Variants in SECISBP2L observed in about 807,000 individuals in gnomAD.
SECISBP2L encodes SECIS binding protein 2 like.
SECISBP2L carries 43 observed loss-of-function variants against 114.7 expected under a neutral mutation model. That is an observed-to-expected ratio of 0.38 (90% confidence interval 0.29 to 0.48). The LOEUF (loss-of-function observed/expected upper bound fraction) is 0.48. Among genes scored for constraint, SECISBP2L ranks in the 20% least tolerant of loss-of-function variants. The probability of loss-of-function intolerance (pLI) is 0.98; values close to 1 mark genes in which losing one functional copy is unlikely to be tolerated. For missense variants in SECISBP2L, 1,136 were observed against 1,301.1 expected (o/e 0.87, Z 1.95); for synonymous variants, 451 against 439.7 (o/e 1.03, Z -0.32).
intron 4 of SECISBP2L, among the ~76,000 whole-genome samples, chr15:49,030,042 C>G (rs1251418063): frequency 1.2e-5 from 1 of 85,370 alleles, no homozygotes; most frequent in Non-Finnish European, 2.6e-5. Context: ...TGTACCAAGA[C>G]AGTCCAAAAA....
rs190334679 is a variant in SECISBP2L at position 48,994,600 on chromosome 15, T to C, written c.2624-1674A>G. Among the ~76,000 whole-genome samples, 301 of 152,318 alleles carry C rather than the reference T, an allele frequency of 2.0e-3. 1 individual carries two copies. Among genetic ancestry groups the C allele is most frequent in the South Asian group, 0.017 (80 of 4,822 alleles). On this transcript the variant is annotated intron_variant, in intron 17 of 17. Transcript: ENST00000559471. Reference sequence around the variant, plus strand: ...ATCAGCTGTACTCTTTCTGCAGATGTGTTTTCCTCCTTTCCCCTTCAGACT... The same window carrying C: ...ATCAGCTGTACTCTTTCTGCAGATGCGTTTTCCTCCTTTCCCCTTCAGACT...
intron 7 of SECISBP2L, 195 bp from the exon 8 acceptor site, chr15:49,019,747 T>C: frequency 2.4e-6 from 1 of 410,756 alleles, no homozygotes; most frequent in Admixed American, 4.5e-5. Context: ...ATGAGACAAT[T>C]AATCCACATT....
rs754723616 is a variant in SECISBP2L at position 49,011,832 on chromosome 15, C to A, written c.1763G>T (p.Gly588Val). 6.2e-7 allele frequency: 1 copy of A among 1,613,986 alleles called. No homozygotes were observed. Among genetic ancestry groups the A allele is most frequent in the East Asian group, 2.2e-5 (1 of 44,860 alleles). ...VILKEREEKK[G>V]RLTVDHNLLG... is the part of the protein sequence containing the mutation. ...AAGATTGTGGTCCACAGTTAAGCGC[C>A]CCTTCTTTTCCTCTCTTTCTTTTAA... is the stretch of plus-strand genomic sequence containing the variant. The change falls in exon 13 of 18, where the codon GGG becomes GTG. Residue 588 changes from glycine (G) to valine (V), a missense_variant. By Grantham distance (109) the Gly-to-Val change is moderately radical (BLOSUM62 -3). Transcript: ENST00000559471.
Position 48,989,046 on chromosome 15 carries a change from T to A in SECISBP2L, c.*3198A>T, listed in dbSNP as rs1227650199. ...AATAAATTATTTCACAGAATTTTTT[T>A]AAATCAAAAAAAGATAAAAATTTTT... On this transcript the variant is annotated 3_prime_UTR_variant, in exon 18 of 18. Transcript: ENST00000559471. The A allele has an allele frequency of 2.6e-5, 4 of 152,038 alleles. No individual in the cohort carries two copies. The highest frequency in any genetic ancestry group is 9.7e-5 in the African/African-American group (4 of 41,286). 9.4% of individuals were successfully genotyped at this position (152,038 alleles called of 1,614,324 possible). A position where few individuals can be genotyped will look rare whatever the true frequency, so the allele number is the denominator to read the frequency against.
chr15:49,016,030 G>C (rs1027641955), intron 11 of SECISBP2L, among the ~76,000 whole-genome samples: 4 of 152,214 alleles, frequency 2.6e-5, no homozygotes, highest in African/African-American at 9.7e-5. Flanking sequence ...AGTGTGTTAG[G>C]AGAGAATGGT....
intron 6 of SECISBP2L, 139 bp downstream of exon 6, chr15:49,028,005 T>C (rs1902785548): frequency 2.6e-6 from 2 of 769,432 alleles, no homozygotes; most frequent in East Asian, 5.4e-5. Context: ...TCAGCAAAAC[T>C]GTACTTCCAA....
chr15:49,025,352 GA>G (rs1188153645), intron 7 of SECISBP2L, among the ~76,000 whole-genome samples: 2 of 152,064 alleles, frequency 1.3e-5, no homozygotes, highest in Non-Finnish European at 2.9e-5. Context: ...TCAGATTCTG[GA>G]ATATCTGCAT....
Position 49,005,560 on chromosome 15 carries a change from CTTTTTTTTTTT to C in SECISBP2L, c.2027+3645_2027+3655del, listed in dbSNP as rs752466722. On this transcript the variant is annotated intron_variant, in intron 14 of 17. Transcript: ENST00000559471. Reference sequence around the variant, plus strand: ...TCAGAGACTAGAATTGCAACCCCTGCTTTTTTTTTTTTTTTTTTTTTTTTTTTTGCTTTCCA... The same window carrying C: ...TCAGAGACTAGAATTGCAACCCCTGCTTTTTTTTTTTTTTTTTGCTTTCCA... 8.2e-4 allele frequency among the ~76,000 whole-genome samples: 30 copies of C among 36,788 alleles called. 1 individual carries two copies. The highest frequency in any genetic ancestry group is 2.3e-3 in the Admixed American group (8 of 3,478). The allele number at this position is 36,788 out of a possible 152,430, so 24.1% of individuals were successfully genotyped here.
chr15:49,027,488 A>G lies in SECISBP2L; in HGVS notation c.920-8T>C, dbSNP rs748088984. 1.3e-6 allele frequency: 2 copies of G among 1,493,208 alleles called. No homozygotes were observed. Among genetic ancestry groups the G allele is most frequent in the East Asian group, 2.3e-5 (1 of 43,294 alleles). The allele number at this position is 1,493,208 out of a possible 1,614,324, so 92.5% of individuals were successfully genotyped here. A position where few individuals can be genotyped will look rare whatever the true frequency, so the allele number is the denominator to read the frequency against. Reference sequence around the variant, plus strand: ...TGGACCAATTTACACCACCTATAACAAATGAAATTTTAAATTATAATTTAC... The same window carrying G: ...TGGACCAATTTACACCACCTATAACGAATGAAATTTTAAATTATAATTTAC... On this transcript the variant is annotated splice_region_variant and splice_polypyrimidine_tract_variant and intron_variant, in intron 6 of 17. Transcript: ENST00000559471.
intron 4 of SECISBP2L, among the ~76,000 whole-genome samples, chr15:49,031,421 T>G (rs1011105519): frequency 3.9e-5 from 6 of 152,212 alleles, no homozygotes; most frequent in African/African-American, 1.4e-4. Flanking sequence ...TTTTTCAGTG[T>G]TATTGTTAAT....
Position 48,991,685 on chromosome 15 carries a change from A to C in SECISBP2L, c.*559T>G, listed in dbSNP as rs919346250. 6.6e-6 allele frequency: 1 copy of C among 152,562 alleles called. No homozygotes were observed. Among genetic ancestry groups the C allele is most frequent in the Non-Finnish European group, 1.5e-5 (1 of 68,302 alleles). The allele number at this position is 152,562 out of a possible 1,614,324, so 9.5% of individuals were successfully genotyped here. ...AGGCTCTGTTTTAGCCCATCCCAACACTAATTAATTACAATAATCAGTGAC... is the reference window on the plus strand; with the variant it reads ...AGGCTCTGTTTTAGCCCATCCCAACCCTAATTAATTACAATAATCAGTGAC... On this transcript the variant is annotated 3_prime_UTR_variant, in exon 18 of 18. Coordinates refer to ENST00000559471, the MANE Select transcript of SECISBP2L (RefSeq NM_001193489.2).
intron 17 of SECISBP2L, among the ~76,000 whole-genome samples, chr15:48,995,655 C>G (rs1902071211): frequency 6.6e-6 from 1 of 152,004 alleles, no homozygotes; most frequent in Admixed American, 6.6e-5. Flanking sequence ...AAATCATAAA[C>G]TAAACCAAGA....
rs537154150 is a variant in SECISBP2L at position 49,029,123 on chromosome 15, G to C, written c.665-441C>G. ...CCCGACTTGACCTCCCAAAATGCTG[G>C]GATTACAGGCATGAGCTACCTCGCC... On this transcript the variant is annotated intron_variant, in intron 4 of 17. Transcript: ENST00000559471. Among the ~76,000 whole-genome samples the C allele has an allele frequency of 2.6e-5, 4 of 152,132 alleles. No individual in the cohort carries two copies. In the South Asian group the frequency reaches 8.3e-4, roughly 32 times the overall value.
At chr15:49,036,873 C>T (rs1903019687) in intron 2 of SECISBP2L, among the ~76,000 whole-genome samples, 2 of 152,170 alleles carry the variant, frequency 1.3e-5, no homozygotes, top group African/African-American at 4.8e-5. Flanking sequence ...ATGACAGAGC[C>T]TATAGCCAGT....
rs549517961 is a variant in SECISBP2L at position 48,992,006 on chromosome 15, T to G, written c.*238A>C. The G allele has an allele frequency of 3.0e-5, 12 of 394,896 alleles. No homozygotes were observed. Among genetic ancestry groups the G allele is most frequent in the African/African-American group, 2.0e-4 (10 of 49,132 alleles). 24.5% of individuals were successfully genotyped at this position (394,896 alleles called of 1,614,324 possible). ...GATCTGGTCTTCTTTTTATCACTGT[T>G]TTTGATTACAAAATAAGCTGAAACA... is the stretch of plus-strand genomic sequence containing the variant. On this transcript the variant is annotated 3_prime_UTR_variant, in exon 18 of 18. Transcript: ENST00000559471.
intron 17 of SECISBP2L, chr15:48,996,139 C>A: frequency 2.1e-6 from 1 of 481,912 alleles, no homozygotes; most frequent in Non-Finnish European, 3.7e-6. Flanking sequence ...GCCCCTGAGG[C>A]TTTTTATAAA....
chr15:49,025,686 T>C (rs1375299145), intron 7 of SECISBP2L, among the ~76,000 whole-genome samples: 1 of 152,108 alleles, frequency 6.6e-6, no homozygotes, highest in African/African-American at 2.4e-5. Context: ...AATGAGGTAT[T>C]TTCTCATCTC....
intron 11 of SECISBP2L, chr15:49,016,310 T>C (rs899690572): frequency 9.2e-6 from 3 of 327,148 alleles, no homozygotes; most frequent in East Asian, 5.1e-5. Context: ...AGTTAGAGTA[T>C]GGATATGTTT....
chr15:48,995,171 C>G (rs139782161), intron 17 of SECISBP2L, among the ~76,000 whole-genome samples: 161 of 152,280 alleles, frequency 1.1e-3, no homozygotes, highest in African/African-American at 3.5e-3. Flanking sequence ...GTCATCTGTC[C>G]AAACCCACAG....
Sources: gnomAD v4.1 joint callset for allele counts (sites outside exome capture counted in the v4.1 genomes callset) on GRCh38, gnomAD v4.1.1 for gene constraint, MANE v1.5 for transcripts, NCBI Gene and HGNC (gene_info 2026-07-23, HGNC 2026-07-21) for gene names.